CDKL3: variants seen among roughly 807,000 people sequenced by gnomAD.
CDKL3 encodes cyclin dependent kinase like 3.
CDKL3 carries 65 observed loss-of-function variants against 69.3 expected under a neutral mutation model. The observed-to-expected ratio is 0.94, with a 90% CI of 0.77 to 1.15. CDKL3 has a LOEUF of 1.15. Among genes scored for constraint, CDKL3 ranks in the 50% most tolerant of loss-of-function variants. CDKL3 has a pLI of 0.00. For synonymous variants in CDKL3, 202 were observed against 221.6 expected (o/e 0.91, Z 0.79); for missense variants, 652 against 689.2 (o/e 0.95, Z 0.61).
At position 134,350,853 on chromosome 5, in the gene CDKL3, G is replaced by A. The variant is rs866047329; in HGVS notation, c.361-426C>T. Among the ~76,000 whole-genome samples, 872 of 148,652 alleles carry A rather than the reference G, an allele frequency of 5.9e-3. 5 individuals are homozygous for A. The highest frequency in any genetic ancestry group is 0.02 in the African/African-American group (810 of 40,632). ...AAAGAAAAAAAAAAAAAGAAAAAAA[G>A]AAAGAAAAAAGAAAGAAAGAAAAAT... is the stretch of plus-strand genomic sequence containing the variant. On this transcript the variant is annotated intron_variant, in intron 3 of 12. Coordinates refer to ENST00000265334, the MANE Select transcript of CDKL3 (RefSeq NM_001113575.2).
intron 10 of CDKL3, among the ~76,000 whole-genome samples, chr5:134,305,428 A>T (rs996064847): frequency 1.3e-5 from 2 of 152,110 alleles, no homozygotes; most frequent in Non-Finnish European, 2.9e-5. Context: ...CCACAAACTT[A>T]ACTTTTCATT....
upstream of CDKL3, among the ~76,000 whole-genome samples, chr5:134,370,473 C>A (rs1019374197): frequency 6.6e-6 from 1 of 152,162 alleles, no homozygotes; most frequent in African/African-American, 2.4e-5. Flanking sequence ...GAATATGAAT[C>A]ATATTTGTAG....
intron 7 of CDKL3, among the ~76,000 whole-genome samples, chr5:134,310,314 T>C (rs1032664052): frequency 2.2e-4 from 34 of 151,966 alleles, no homozygotes; most frequent in African/African-American, 8.0e-4. Flanking sequence ...ACCTCCTGAG[T>C]AGCTGGCATT....
chr5:134,287,733 G>C (rs770059374), intron 8 of CDKL3, among the ~76,000 whole-genome samples: 1 of 152,122 alleles, frequency 6.6e-6, no homozygotes, highest in African/African-American at 2.4e-5. Flanking sequence ...TGCACCCAAA[G>C]CCATGGAAAC....
intron 6 of CDKL3, among the ~76,000 whole-genome samples, chr5:134,318,215 G>A (rs945542892): frequency 2.0e-4 from 29 of 147,744 alleles, no homozygotes; most frequent in Admixed American, 3.4e-4. Flanking sequence ...GCAAAACTCC[G>A]TCTCAAAAAA....
chr5:134,359,092 C>A (rs564518211), intron 3 of CDKL3, among the ~76,000 whole-genome samples: 1 of 152,154 alleles, frequency 6.6e-6, no homozygotes, highest in African/African-American at 2.4e-5. Flanking sequence ...TTGAGACCAG[C>A]CTGGGTAACA....
At chr5:134,306,940 A>G (rs576002892) in intron 9 of CDKL3, among the ~76,000 whole-genome samples, 1 of 151,944 alleles carries the variant, frequency 6.6e-6, no homozygotes. Context: ...TTTTTTGTAG[A>G]GACAGGGTTT....
chr5:134,315,708 T>A (rs910796318), intron 6 of CDKL3, among the ~76,000 whole-genome samples: 1 of 152,130 alleles, frequency 6.6e-6, no homozygotes, highest in Non-Finnish European at 1.5e-5. Context: ...TGTAATGACA[T>A]AAATACAATT....
chr5:134,366,323 C>T (rs1175419702), intron 2 of CDKL3, 36 bp downstream of exon 2: 2 of 1,462,418 alleles, frequency 1.4e-6, no homozygotes, highest in African/African-American at 1.4e-5. Context: ...ACAATTTTTT[C>T]TTTTGACTTA....
At chr5:134,351,439 G>T (rs1020477528) in intron 3 of CDKL3, among the ~76,000 whole-genome samples, 1 of 152,048 alleles carries the variant, frequency 6.6e-6, no homozygotes, top group Non-Finnish European at 1.5e-5. Context: ...AAAGAGATAG[G>T]GTCTTGCTCC....
chr5:134,359,010 G>A (rs374267701), intron 3 of CDKL3, among the ~76,000 whole-genome samples: 1 of 152,104 alleles, frequency 6.6e-6, no homozygotes, highest in Non-Finnish European at 1.5e-5. Flanking sequence ...ATCTGTGCCA[G>A]GTGCAGTAGC....
upstream of CDKL3, among the ~76,000 whole-genome samples, chr5:134,370,579 C>T (rs1758269036): frequency 6.6e-6 from 1 of 152,200 alleles, no homozygotes; most frequent in Admixed American, 6.5e-5. Flanking sequence ...ATAGGCAAGT[C>T]CCCGGACTCT....
intron 4 of CDKL3, among the ~76,000 whole-genome samples, chr5:134,339,248 C>G (rs959626899): frequency 3.3e-5 from 5 of 152,016 alleles, no homozygotes; most frequent in Non-Finnish European, 5.9e-5. Flanking sequence ...GACTGTCAGC[C>G]TGGAGGGGGA....
intron 7 of CDKL3, among the ~76,000 whole-genome samples, chr5:134,310,860 C>A (rs1015351767): frequency 6.6e-6 from 1 of 152,182 alleles, no homozygotes; most frequent in African/African-American, 2.4e-5. Context: ...GTTCTAGTCA[C>A]CCTCAAGGAT....
chr5:134,310,259 CACTG>C (rs2149449343), intron 7 of CDKL3, among the ~76,000 whole-genome samples: 1 of 152,164 alleles, frequency 6.6e-6, no homozygotes, highest in South Asian at 2.1e-4. Flanking sequence ...GATCTCCACT[CACTG>C]CAAGCTCTGC....
chr5:134,308,756 A>T, intron 7 of CDKL3, 29 bp from the exon 8 acceptor site: 1 of 1,541,746 alleles, frequency 6.5e-7, no homozygotes, highest in Non-Finnish European at 8.7e-7. Flanking sequence ...TCAACGAGTA[A>T]TCTTTTTATA....
intron 3 of CDKL3, among the ~76,000 whole-genome samples, chr5:134,357,665 C>T (rs1216096697): frequency 6.6e-6 from 1 of 151,828 alleles, no homozygotes; most frequent in Non-Finnish European, 1.5e-5. Context: ...CTGACTTCAC[C>T]CTTTGTTTTC....
At chr5:134,366,140 GAATA>G (rs1220212606) in intron 2 of CDKL3, among the ~76,000 whole-genome samples, 1 of 152,058 alleles carries the variant, frequency 6.6e-6, no homozygotes, top group African/African-American at 2.4e-5. Context: ...GAATATTTCT[GAATA>G]ATTATTAAAC....
rs1244665263 is a variant in CDKL3, at chr5:134,350,258, G to C, written c.530C>G (p.Ser177Cys). 1 of 1,564,218 alleles carries C rather than the reference G, an allele frequency of 6.4e-7. No individual in the cohort carries two copies. The highest frequency in any genetic ancestry group is 1.2e-5 in the South Asian group (1 of 82,766). ...RAPELVLKDT[S>C]YGKPVDIWAL... ...CCCAAAATACACATACTTTCCATAAGAAGTATCTTTTAATACTAATTCGGG... is the reference window on the plus strand; with the variant it reads ...CCCAAAATACACATACTTTCCATAACAAGTATCTTTTAATACTAATTCGGG... The change falls in exon 4 of 13, where the codon TCT becomes TGT. Residue 177 changes from serine (S) to cysteine (C), a missense_variant. Ser to Cys is a moderately radical substitution (Grantham distance 112). Transcript: ENST00000265334.
Sources: gnomAD v4.1 joint callset for allele counts (sites outside exome capture counted in the v4.1 genomes callset) on GRCh38, gnomAD v4.1.1 for gene constraint, MANE v1.5 for transcripts, NCBI Gene and HGNC (gene_info 2026-07-23, HGNC 2026-07-21) for gene names.